THSD7B: variants seen among roughly 807,000 people sequenced by gnomAD.
THSD7B encodes the protein thrombospondin type-1 domain-containing protein 7B.
A neutral mutation model predicts 213.6 loss-of-function variants in THSD7B; 138 were observed. The observed-to-expected ratio is 0.65, with a 90% CI of 0.56 to 0.74. THSD7B has a LOEUF of 0.74. THSD7B is among the 30% of genes least tolerant of loss of function. THSD7B has a pLI of 0.00. For missense variants in THSD7B, 1,931 were observed against 1,991.5 expected (o/e 0.97, Z 0.58); for synonymous variants, 742 against 687.0 (o/e 1.08, Z -1.25).
At chr2:137,362,875 A>T (rs1457808433) in intron 12 of THSD7B, among the ~76,000 whole-genome samples, 1 of 152,222 alleles carries the variant, frequency 6.6e-6, no homozygotes, top group Admixed American at 6.5e-5. Context: ...TCAGCTCTGC[A>T]CCAAGCAGAC....
At chr2:137,299,591 A>G (rs1558748140) in intron 12 of THSD7B, among the ~76,000 whole-genome samples, 1 of 152,156 alleles carries the variant, frequency 6.6e-6, no homozygotes, top group African/African-American at 2.4e-5. Flanking sequence ...GGGTGAGGCT[A>G]CAAAATAACA....
intron 1 of THSD7B, among the ~76,000 whole-genome samples, chr2:136,838,897 G>T (rs1337897717): frequency 6.6e-6 from 1 of 152,170 alleles, no homozygotes; most frequent in East Asian, 1.9e-4. Flanking sequence ...CTTGCTCTGT[G>T]AGCATGGGTT....
At chr2:136,989,732 G>A (rs566589466) in intron 2 of THSD7B, among the ~76,000 whole-genome samples, 46 of 152,288 alleles carry the variant, frequency 3.0e-4, no homozygotes, top group Admixed American at 2.7e-3. Flanking sequence ...TGGAACCCGT[G>A]GAAGGGAATT....
At chr2:137,507,934 C>T (rs1226077907) in intron 15 of THSD7B, among the ~76,000 whole-genome samples, 1 of 152,204 alleles carries the variant, frequency 6.6e-6, no homozygotes. Flanking sequence ...CAAATTCTGT[C>T]TCCTCTAAGT....
chr2:137,157,153 T>C lies in THSD7B; in HGVS notation c.1370-3060T>C, dbSNP rs540803546. On this transcript the variant is annotated intron_variant, in intron 5 of 27. Transcript: ENST00000409968. ...ACTGTGCACTGGTCACCAACTTGTC[T>C]GAGTCCAGTGGGAGCAAATACACTC... 2.0e-5 allele frequency among the ~76,000 whole-genome samples: 3 copies of C among 152,324 alleles called. No homozygotes were observed. The South Asian group carries it at 6.2e-4, about 32-fold the overall frequency.
At chr2:137,066,851 C>T (rs926779638) in intron 3 of THSD7B, among the ~76,000 whole-genome samples, 10 of 152,004 alleles carry the variant, frequency 6.6e-5, no homozygotes, top group African/African-American at 2.4e-4. Flanking sequence ...ATTTGTAGTT[C>T]TACCCATAGT....
intron 17 of THSD7B, among the ~76,000 whole-genome samples, chr2:137,606,845 A>G (rs534474037): frequency 6.6e-6 from 1 of 152,244 alleles, no homozygotes; most frequent in African/African-American, 2.4e-5. Context: ...GAAAGGAGAG[A>G]GGGAAACTGA....
At chr2:137,542,339 T>G in intron 15 of THSD7B, among the ~76,000 whole-genome samples, 1 of 151,740 alleles carries the variant, frequency 6.6e-6, no homozygotes, top group South Asian at 2.1e-4. Flanking sequence ...AATACTTACA[T>G]ATCCAGCAAA....
At chr2:137,480,798 A>G (rs1053250326) in intron 15 of THSD7B, among the ~76,000 whole-genome samples, 5 of 152,268 alleles carry the variant, frequency 3.3e-5, no homozygotes, top group Admixed American at 3.3e-4. Context: ...CTTTTTAAAA[A>G]AGACAACCTT....
In THSD7B at chr2:137,655,217, A is replaced by G. The variant is rs185472598; in HGVS notation, c.3946-284A>G. ...TCACATACAACTAGACAAATTATGTATTGTTTTCTTTTTTAGTCAATCTTG... is the reference window on the plus strand; with the variant it reads ...TCACATACAACTAGACAAATTATGTGTTGTTTTCTTTTTTAGTCAATCTTG... On this transcript the variant is annotated intron_variant, in intron 21 of 27. Coordinates refer to ENST00000409968, the MANE Select transcript of THSD7B (RefSeq NM_001316349.2). 2.2e-3 allele frequency among the ~76,000 whole-genome samples: 334 copies of G among 152,280 alleles called. 2 individuals are homozygous for G. Among genetic ancestry groups the G allele is most frequent in the Non-Finnish European group, 3.6e-3 (243 of 68,028 alleles).
chr2:137,412,524 G>GA (rs1442694047), intron 14 of THSD7B, among the ~76,000 whole-genome samples: 1 of 148,766 alleles, frequency 6.7e-6, no homozygotes, highest in Non-Finnish European at 1.5e-5. Context: ...TTGAACCCGG[G>GA]GGGCAGAGGT....
intron 1 of THSD7B, among the ~76,000 whole-genome samples, chr2:136,843,901 A>G (rs149625395): frequency 2.6e-5 from 4 of 152,228 alleles, no homozygotes; most frequent in East Asian, 1.9e-4. Context: ...GATTTATTCC[A>G]GTTTACATAA....
chr2:136,802,106 C>T (rs1302569801), intron 1 of THSD7B, among the ~76,000 whole-genome samples: 1 of 152,036 alleles, frequency 6.6e-6, no homozygotes, highest in African/African-American at 2.4e-5. Flanking sequence ...ATGTATTATT[C>T]TGTCCCCCAT....
intron 17 of THSD7B, among the ~76,000 whole-genome samples, chr2:137,603,970 G>T (rs1682122928): frequency 6.6e-6 from 1 of 152,042 alleles, no homozygotes; most frequent in African/African-American, 2.4e-5. Context: ...AATTATCCCG[G>T]CTTGGTGGTG....
At chr2:136,812,302 G>C (rs1249134521) in intron 1 of THSD7B, among the ~76,000 whole-genome samples, 1 of 152,128 alleles carries the variant, frequency 6.6e-6, no homozygotes, top group African/African-American at 2.4e-5. Context: ...TAATTGTCAT[G>C]AAAAATTTTA....
At chr2:137,002,910 G>T (rs1039277052) in intron 2 of THSD7B, among the ~76,000 whole-genome samples, 4 of 152,098 alleles carry the variant, frequency 2.6e-5, no homozygotes, top group African/African-American at 9.7e-5. Flanking sequence ...AATAAAATGA[G>T]ATAAATTGAT....
chr2:137,367,480 A>G (rs1045093245), intron 12 of THSD7B, among the ~76,000 whole-genome samples: 2 of 152,162 alleles, frequency 1.3e-5, no homozygotes, highest in African/African-American at 2.4e-5. Context: ...TTTTAATTCT[A>G]TGAACACAAA....
intron 12 of THSD7B, among the ~76,000 whole-genome samples, chr2:137,337,061 AAAT>A (rs139355594): frequency 0.021 from 3,240 of 151,570 alleles, 134 homozygotes; most frequent in African/African-American, 0.075. Flanking sequence ...AATTATACCT[AAAT>A]AATAATAATA....
At position 137,107,989 on chromosome 2, in the gene THSD7B, T is replaced by C. The variant is rs73958336; in HGVS notation, c.1200-7135T>C. The stretch of plus-strand genomic sequence containing the variant: ...ATTCTTTTCTAAATGCATTTACATC[T>C]TTAAAAGGACAACAGACATTATCAT... On this transcript the variant is annotated intron_variant, in intron 4 of 27. Coordinates refer to ENST00000409968, the MANE Select transcript of THSD7B (RefSeq NM_001316349.2). Among the ~76,000 whole-genome samples the C allele has an allele frequency of 4.3e-3, 649 of 152,342 alleles. 3 individuals are homozygous for C. Among genetic ancestry groups the C allele is most frequent in the African/African-American group, 0.015 (625 of 41,594 alleles).
Sources: allele counts gnomAD v4.1 joint callset (sites outside exome capture counted in the v4.1 genomes callset), GRCh38; gene constraint gnomAD v4.1.1; transcripts MANE v1.5; gene names NCBI Gene and HGNC (gene_info 2026-07-23, HGNC 2026-07-21).